Variants in GNB2 observed in about 807,000 individuals in gnomAD.
The protein encoded by GNB2 is guanine nucleotide-binding protein G(I)/G(S)/G(T) subunit beta-2.
In GNB2, 7 loss-of-function variants were observed where a neutral mutation model predicts 40.7. The ratio of observed to expected loss-of-function variants is 0.17; its 90% CI spans 0.10 to 0.32. The LOEUF is 0.32. Ranked by LOEUF, GNB2 falls within the 10% of genes least tolerant of loss-of-function variation. The pLI is 1.00. For synonymous variants in GNB2, 254 were observed against 191.2 expected (o/e 1.33, Z -2.71); for missense variants, 286 against 473.0 (o/e 0.60, Z 3.67).
In GNB2 at chr7:100,676,460, C is replaced by CTTCTG. The variant is rs1267830547; in HGVS notation, c.58-70_58-66dup. On this transcript the variant is annotated intron_variant, in intron 2 of 9. Coordinates refer to ENST00000303210, the MANE Select transcript of GNB2 (RefSeq NM_005273.4). ...AGAATCTGACCCTGTCCACTCCTGT[C>CTTCTG]TTCTGTTCTCTTCTCTCCCTTTCCT... The CTTCTG allele has an allele frequency of 2.0e-5, 27 of 1,373,144 alleles. No homozygotes were observed. The Admixed American group carries it at 4.5e-4, about 23-fold the overall frequency. 85.1% of individuals were successfully genotyped at this position (1,373,144 alleles called of 1,614,324 possible).
Position 100,678,190 on chromosome 7 carries a change from G to C in GNB2, c.590G>C (p.Arg197Pro). Residue 197 changes from arginine to proline, a missense_variant, in exon 8 of 10, where the codon CGC (arginine) becomes CCC (proline). Arg to Pro is a moderately radical substitution (Grantham distance 103, BLOSUM62 -2). Transcript: ENST00000303210. ...VMSLSLAPDG[R>P]TFVSGACDAS... Reference sequence around the variant, plus strand: ...TCCCTGTCCCTGGCCCCCGATGGCCGCACGTTTGTGTCAGGCGCCTGTGAT... The same window carrying C: ...TCCCTGTCCCTGGCCCCCGATGGCCCCACGTTTGTGTCAGGCGCCTGTGAT... 1 of 1,613,516 alleles carries C rather than the reference G, an allele frequency of 6.2e-7. No homozygotes were observed. Among genetic ancestry groups the C allele is most frequent in the Non-Finnish European group, 8.5e-7 (1 of 1,179,434 alleles).
intron 7 of GNB2, 75 bp from the exon 8 acceptor site, chr7:100,678,023 G>C: frequency 2.3e-6 from 3 of 1,299,098 alleles, no homozygotes; most frequent in Non-Finnish European, 3.3e-6. Flanking sequence ...GGGCTCACGT[G>C]GTGGGGCGGG....
At position 100,676,215 on chromosome 7, in the gene GNB2, CCGTCCCGCGGCCCCCAG is replaced by C; in HGVS notation, c.-49_-33del. On this transcript the variant is annotated 5_prime_UTR_variant, in exon 2 of 10. Transcript: ENST00000303210. ...GGCCAGGAGCTGCCTCCCCCAGCCC[CCGTCCCGCGGCCCCCAG>C]CCGCCCCCAACCCTGCCCCACGGGC... 1 of 1,185,678 alleles carries C rather than the reference CCGTCCCGCGGCCCCCAG, an allele frequency of 8.4e-7. No individual in the cohort carries two copies. The highest frequency in any genetic ancestry group is 1.2e-6 in the Non-Finnish European group (1 of 824,212). The allele number at this position is 1,185,678 out of a possible 1,614,324, so 73.4% of individuals were successfully genotyped here. A position where few individuals can be genotyped will look rare whatever the true frequency, so the allele number is the denominator to read the frequency against.
chr7:100,677,838 G>A lies in GNB2; in HGVS notation c.497+20G>A. 1 of 1,603,094 alleles carries A rather than the reference G, an allele frequency of 6.2e-7. No individual in the cohort carries two copies. The highest frequency in any genetic ancestry group is 8.5e-7 in the Non-Finnish European group (1 of 1,171,112). ...CACCTGGTGAGGCTCTGCCAGGGCT[G>A]GGCAGTCTGGGCAAACCCACACTTC... On this transcript the variant is annotated intron_variant, in intron 7 of 9. Transcript: ENST00000303210.
intron 1 of GNB2, among the ~76,000 whole-genome samples, chr7:100,674,585 C>T (rs1299133629): frequency 1.3e-5 from 2 of 152,090 alleles, no homozygotes; most frequent in Admixed American, 6.5e-5. Context: ...CGCTTCGCAG[C>T]GCCGCACCAG....
chr7:100,676,471 T>C (rs1417468381), intron 2 of GNB2, 64 bp from the exon 3 acceptor site: 1 of 1,429,348 alleles, frequency 7.0e-7, no homozygotes, highest in African/African-American at 1.4e-5. Flanking sequence ...TTCTGTTCTC[T>C]TCTCTCCCTT....
At chr7:100,677,189 A>ATCACTTGAGCCTAGGAGTTCCAGGC (rs1214243239) in intron 4 of GNB2, 163 bp from the exon 5 acceptor site, 2 of 623,932 alleles carry the variant, frequency 3.2e-6, no homozygotes, top group Non-Finnish European at 2.9e-6. Context: ...AGGTGGGAGG[A>ATCACTTGAGCCTAGGAGTTCCAGGC]TCACTTGAGC....
rs984164246 is a variant in GNB2, at chr7:100,676,382, G to C, written c.57+60G>C. 1.9e-5 allele frequency: 27 copies of C among 1,413,818 alleles called. No homozygotes were observed. In the African/African-American group the frequency reaches 3.2e-4, roughly 17 times the overall value. 87.6% of individuals were successfully genotyped at this position (1,413,818 alleles called of 1,614,324 possible). A position where few individuals can be genotyped will look rare whatever the true frequency, so the allele number is the denominator to read the frequency against. On this transcript the variant is annotated intron_variant, in intron 2 of 9. Transcript: ENST00000303210. ...TACACCGCCCGGTGCCCTGGACCGGGTTGGGTGAGGGTGTTGGTGGGGGAA... is the reference window on the plus strand; with the variant it reads ...TACACCGCCCGGTGCCCTGGACCGGCTTGGGTGAGGGTGTTGGTGGGGGAA...
intron 1 of GNB2, chr7:100,675,906 T>G: frequency 4.0e-6 from 1 of 248,644 alleles, no homozygotes; most frequent in Non-Finnish European, 7.7e-6. Context: ...GCCGCGGGTG[T>G]CCTGCCCGGG....
At chr7:100,674,301 C>T (rs1584477785) in intron 1 of GNB2, among the ~76,000 whole-genome samples, 1 of 150,402 alleles carries the variant, frequency 6.6e-6, no homozygotes, top group Non-Finnish European at 1.5e-5. Flanking sequence ...CTCGTGTCCT[C>T]CACTGTCGCA....
chr7:100,678,121 G>A lies in GNB2; in HGVS notation c.521G>A (p.Gly174Asp), dbSNP rs1804398568. 2 of 1,613,430 alleles carry A rather than the reference G, an allele frequency of 1.2e-6. No individual in the cohort carries two copies. Among genetic ancestry groups the A allele is most frequent in the Non-Finnish European group, 1.7e-6 (2 of 1,179,458 alleles). The change falls in exon 8 of 10, where the codon GGC becomes GAC. Residue 174 changes from glycine (G) to aspartate (D), a missense_variant. Coordinates refer to ENST00000303210, the MANE Select transcript of GNB2 (RefSeq NM_005273.4). ...AGTGCCCTGTGGGACATTGAGACAG[G>A]CCAGCAGACAGTGGGTTTTGCTGGA... Reference protein sequence around the residue: ...TTCALWDIETGQQTVGFAGHS... With the variant: ...TTCALWDIETDQQTVGFAGHS...
intron 2 of GNB2, 45 bp from the exon 3 acceptor site, chr7:100,676,490 A>G (rs781618936): frequency 2.5e-5 from 39 of 1,549,312 alleles, no homozygotes; most frequent in Non-Finnish European, 3.3e-5. Context: ...TTTCCTCCCC[A>G]ACCTGTCTTC....
rs1562859696 is a variant in GNB2 at position 100,679,128 on chromosome 7, T to C, written c.*327T>C. The C allele has an allele frequency of 1.5e-5, 4 of 274,154 alleles. No homozygotes were observed. In the East Asian group the frequency reaches 2.7e-4, roughly 18 times the overall value. 17.0% of individuals were successfully genotyped at this position (274,154 alleles called of 1,614,324 possible). The stretch of plus-strand genomic sequence containing the variant: ...ACTGGTTTTATTTTAATTTTTATTA[T>C]ATTTTCAGTTTTTCCATAAAGGAGC... On this transcript the variant is annotated 3_prime_UTR_variant, in exon 10 of 10. Transcript: ENST00000303210.
rs1262624237 is a variant in GNB2 at position 100,678,977 on chromosome 7, G to A, written c.*176G>A. Reference sequence around the variant, plus strand: ...GGGGCCCCCACTGTGGAGATAAGAAGGGGATGGAATGGGGGAAGAGGAGGA... The same window carrying A: ...GGGGCCCCCACTGTGGAGATAAGAAAGGGATGGAATGGGGGAAGAGGAGGA... On this transcript the variant is annotated 3_prime_UTR_variant, in exon 10 of 10. Transcript: ENST00000303210. 6.7e-6 allele frequency: 4 copies of A among 595,344 alleles called. No individual in the cohort carries two copies. The highest frequency in any genetic ancestry group is 2.8e-5 in the East Asian group (1 of 35,950). 36.9% of individuals were successfully genotyped at this position (595,344 alleles called of 1,614,324 possible).
chr7:100,677,427 C>CG lies in GNB2; in HGVS notation c.267+15dup. On this transcript the variant is annotated intron_variant, in intron 5 of 9. Coordinates refer to ENST00000303210, the MANE Select transcript of GNB2 (RefSeq NM_005273.4). ...ACACCACCAACAAGGTAGGGTGGCG[C>CG]GGGCTGCGGGGTGGGGCAGGGCCAC... The CG allele has an allele frequency of 6.2e-7, 1 of 1,613,398 alleles. No homozygotes were observed. The highest frequency in any genetic ancestry group is 2.2e-5 in the East Asian group (1 of 44,888).
At position 100,678,944 on chromosome 7, in the gene GNB2, T is replaced by G. The variant is rs2131352785; in HGVS notation, c.*143T>G. 4.6e-6 allele frequency: 3 copies of G among 646,838 alleles called. No individual in the cohort carries two copies. Among genetic ancestry groups the G allele is most frequent in the African/African-American group, 1.8e-5 (1 of 54,498 alleles). 40.1% of individuals were successfully genotyped at this position (646,838 alleles called of 1,614,324 possible). On this transcript the variant is annotated 3_prime_UTR_variant, in exon 10 of 10. Coordinates refer to ENST00000303210, the MANE Select transcript of GNB2 (RefSeq NM_005273.4). ...TCCCTGCCCTCCCACCCAGGTTTGG[T>G]TCCTCCCGGGGCCCCCACTGTGGAG... is the stretch of plus-strand genomic sequence containing the variant.
Position 100,678,522 on chromosome 7 carries a change from C to G in GNB2, c.824C>G (p.Ser275Cys). 1 of 1,613,646 alleles carries G rather than the reference C, an allele frequency of 6.2e-7. No individual in the cohort carries two copies. Among genetic ancestry groups the G allele is most frequent in the East Asian group, 2.2e-5 (1 of 44,886 alleles). The change falls in exon 9 of 10, where the codon TCT becomes TGT. Residue 275 changes from serine (S) to cysteine (C), a missense_variant. Physicochemically the swap from Ser to Cys is moderately radical, Grantham distance 112 (BLOSUM62 -1). Coordinates refer to ENST00000303210, the MANE Select transcript of GNB2 (RefSeq NM_005273.4). The stretch of plus-strand genomic sequence containing the variant: ...GACAACATCATCTGTGGCATCACCT[C>G]TGTTGCCTTCTCGCGCAGCGGACGG... ...SHDNIICGIT[S>C]VAFSRSGRLL...
rs970231977 is a variant in GNB2 at position 100,676,918 on chromosome 7, G to A, written c.203+119G>A. 27 of 642,684 alleles carry A rather than the reference G, an allele frequency of 4.2e-5. No homozygotes were observed. In the African/African-American group the frequency reaches 4.4e-4, roughly 10 times the overall value. The allele number at this position is 642,684 out of a possible 1,614,324, so 39.8% of individuals were successfully genotyped here. A position where few individuals can be genotyped will look rare whatever the true frequency, so the allele number is the denominator to read the frequency against. On this transcript the variant is annotated intron_variant, in intron 4 of 9. Coordinates refer to ENST00000303210, the MANE Select transcript of GNB2 (RefSeq NM_005273.4). ...ATACCCAGCGTACGTCTGGAAAAAC[G>A]GTGACTCCCAGACATGTCCGCCAGA...
At chr7:100,677,081 C>T (rs1024379656) in intron 4 of GNB2, 1 of 593,164 alleles carries the variant, frequency 1.7e-6, no homozygotes, top group East Asian at 2.8e-5. Flanking sequence ...TGAGACCAGC[C>T]TGGGCAACAT....
Sources: allele counts gnomAD v4.1 joint callset (sites outside exome capture counted in the v4.1 genomes callset), GRCh38; gene constraint gnomAD v4.1.1; transcripts MANE v1.5; gene names NCBI Gene and HGNC (gene_info 2026-07-23, HGNC 2026-07-21).